The following CWC22 variants were observed in gnomAD, a reference collection of about 807,000 sequenced individuals.
CWC22 encodes pre-mRNA-splicing factor CWC22 homolog.
CWC22 carries 53 observed loss-of-function variants against 117.2 expected under a neutral mutation model. The observed-to-expected ratio is 0.45, with a 90% CI of 0.36 to 0.57. The LOEUF is 0.57. Among genes scored for constraint, CWC22 ranks in the 20% least tolerant of loss-of-function variants. The probability of loss-of-function intolerance (pLI) is 0.00; values close to 1 mark genes in which losing one functional copy is unlikely to be tolerated. For synonymous variants in CWC22, 360 were observed against 355.6 expected (o/e 1.01, Z -0.14); for missense variants, 980 against 1,068.8 (o/e 0.92, Z 1.16).
chr2:179,957,020 G>A (rs1686612654), intron 14 of CWC22, among the ~76,000 whole-genome samples: 2 of 151,938 alleles, frequency 1.3e-5, no homozygotes, highest in African/African-American at 4.8e-5. Context: ...GAAAATAAAT[G>A]TACTAAGATA....
At chr2:179,975,784 T>C (rs13028242) in intron 6 of CWC22, among the ~76,000 whole-genome samples, 22,176 of 152,044 alleles carry the variant, frequency 0.15, 1,996 homozygotes, top group Admixed American at 0.29. Flanking sequence ...ATGCATGACA[T>C]CCCATGTCCA....
chr2:179,991,107 A>C (rs114519459), intron 2 of CWC22, among the ~76,000 whole-genome samples: 244 of 152,358 alleles, frequency 1.6e-3, no homozygotes, highest in African/African-American at 5.5e-3. Context: ...TTCATGAAGC[A>C]AAACAAATAT....
At chr2:179,975,730 T>C (rs1217228918) in intron 6 of CWC22, among the ~76,000 whole-genome samples, 1 of 152,084 alleles carries the variant, frequency 6.6e-6, no homozygotes, top group East Asian at 1.9e-4. Flanking sequence ...ATGAAAGAGC[T>C]GTACACTAAA....
chr2:179,948,997 GT>G (rs1686380621), intron 19 of CWC22, among the ~76,000 whole-genome samples: 1 of 152,178 alleles, frequency 6.6e-6, no homozygotes, highest in Admixed American at 6.5e-5. Flanking sequence ...TCTCTGTACT[GT>G]TTTTGCAACT....
chr2:179,993,418 TC>T lies in CWC22; in HGVS notation c.-78del, dbSNP rs1412615675. 8.9e-6 allele frequency: 9 copies of T among 1,013,482 alleles called. No homozygotes were observed. The highest frequency in any genetic ancestry group is 1.4e-5 in the Non-Finnish European group (9 of 660,942). 62.8% of individuals were successfully genotyped at this position (1,013,482 alleles called of 1,614,324 possible). A position where few individuals can be genotyped will look rare whatever the true frequency, so the allele number is the denominator to read the frequency against. On this transcript the variant is annotated 5_prime_UTR_variant, in exon 2 of 20. The change creates a premature stop within an existing upstream ORF in the 5' untranslated region. Coordinates refer to ENST00000410053, the MANE Select transcript of CWC22 (RefSeq NM_020943.3). ...ATAACAAGTACCCAATGCTCTGAAT[TC>T]CTTGACAGTTTACTTTTTCTGTCTG...
intron 8 of CWC22, among the ~76,000 whole-genome samples, chr2:179,971,656 T>C (rs1687036879): frequency 6.6e-6 from 1 of 152,276 alleles, no homozygotes; most frequent in Middle Eastern, 3.4e-3. Context: ...ATCAAACTAT[T>C]ACTGGCCACG....
At position 179,963,335 on chromosome 2, in the gene CWC22, C is replaced by CTTTTTT. The variant is rs774947016; in HGVS notation, c.1397+1206_1397+1211dup. Among the ~76,000 whole-genome samples, 155 of 82,058 alleles carry CTTTTTT rather than the reference C, an allele frequency of 1.9e-3. 5 individuals carry two copies. Among genetic ancestry groups the CTTTTTT allele is most frequent in the African/African-American group, 4.2e-3 (79 of 18,982 alleles). The allele number at this position is 82,058 out of a possible 152,430, so 53.8% of individuals were successfully genotyped here. A position where few individuals can be genotyped will look rare whatever the true frequency, so the allele number is the denominator to read the frequency against. On this transcript the variant is annotated intron_variant, in intron 13 of 19. Coordinates refer to ENST00000410053, the MANE Select transcript of CWC22 (RefSeq NM_020943.3). ...AGTTTATATGAAAAAATATTTAATA[C>CTTTTTT]TTTTTTTTTTTTTTTTTTTTTTTTT...
At chr2:179,974,450 A>C (rs911721145) in intron 6 of CWC22, among the ~76,000 whole-genome samples, 1 of 152,236 alleles carries the variant, frequency 6.6e-6, no homozygotes, top group Admixed American at 6.5e-5. Context: ...GGAAAGGCAA[A>C]TTGGGCAAAC....
rs1687015601 is a variant in CWC22, at chr2:179,970,852, T to C, written c.945A>G (p.Ile315Met). 6.2e-7 allele frequency: 1 copy of C among 1,613,154 alleles called. No homozygotes were observed. The highest frequency in any genetic ancestry group is 8.5e-7 in the Non-Finnish European group (1 of 1,179,292). ...GCAGAATGTTTCGAAGGCGTTCAAA[T>C]ATAGCTAAAAGTTAACAGAAAGAAA... ...TQVSPRGINA[I>M]FERLRNILHE... Residue 315 changes from isoleucine to methionine, a missense_variant, in exon 10 of 20, where the codon ATA (isoleucine) becomes ATG (methionine). By Grantham distance (10) the Ile-to-Met change is conservative. Around this residue, in one of 3 missense-constraint regions of CWC22, gnomAD observed 559 missense variants for 602.3 expected, o/e 0.93. Transcript: ENST00000410053.
At chr2:179,992,124 AG>A (rs1445517144) in intron 2 of CWC22, among the ~76,000 whole-genome samples, 2 of 152,222 alleles carry the variant, frequency 1.3e-5, no homozygotes, top group African/African-American at 2.4e-5. Flanking sequence ...GTAAGAGGAT[AG>A]GAAGGGAGGA....
At chr2:179,990,921 T>A (rs1687549486) in intron 2 of CWC22, among the ~76,000 whole-genome samples, 1 of 152,124 alleles carries the variant, frequency 6.6e-6, no homozygotes, top group Admixed American at 6.6e-5. Flanking sequence ...GGACTTGAAT[T>A]TGGCTTTGGT....
rs1318703854 is a variant in CWC22, at chr2:180,002,205, C to A, written c.-114+4662G>T. ...TTCTCCCCATCTTAAACCAGCTCTT[C>A]TTCTAAGATATGACTTACAAAGCTT... On this transcript the variant is annotated intron_variant, in intron 1 of 19. Transcript: ENST00000410053. 2.0e-5 allele frequency among the ~76,000 whole-genome samples: 3 copies of A among 152,210 alleles called. No individual in the cohort carries two copies. The East Asian group carries it at 5.8e-4, about 29-fold the overall frequency.
chr2:179,958,687 G>A (rs892331027), intron 14 of CWC22, among the ~76,000 whole-genome samples: 19 of 151,994 alleles, frequency 1.3e-4, no homozygotes, highest in Admixed American at 1.3e-4. Context: ...CCAGAAGATG[G>A]ACCACATAAT....
chr2:179,948,090 G>A (rs574873411), intron 19 of CWC22, among the ~76,000 whole-genome samples: 1 of 152,172 alleles, frequency 6.6e-6, no homozygotes, highest in Non-Finnish European at 1.5e-5. Context: ...TGGCAAACCT[G>A]TGCTCCTGCT....
chr2:179,991,412 G>C (rs1687563664), intron 2 of CWC22, among the ~76,000 whole-genome samples: 1 of 152,172 alleles, frequency 6.6e-6, no homozygotes, highest in African/African-American at 2.4e-5. Flanking sequence ...CCAGCTAGTG[G>C]ACCCATTGTG....
At position 179,965,900 on chromosome 2, in the gene CWC22, T is replaced by A. The variant is rs573410341; in HGVS notation, c.1293A>T (p.Glu431Asp). The A allele has an allele frequency of 6.4e-7, 1 of 1,565,342 alleles. No individual in the cohort carries two copies. Among genetic ancestry groups the A allele is most frequent in the Admixed American group, 1.7e-5 (1 of 59,954 alleles). The stretch of plus-strand genomic sequence containing the variant: ...TACCTTCTTCATCTTCTTCTCCCTC[T>A]TCCTCTTCTTCTTCCTCGTCCTCTT... ...SSEEDEEEEE[E>D]EGEEDEEGQK... Residue 431 changes from glutamate to aspartate, a missense_variant, in exon 12 of 20, where the codon GAA becomes GAT. Glu to Asp is a conservative substitution (Grantham distance 45). Around this residue, in one of 3 missense-constraint regions of CWC22, gnomAD observed 559 missense variants for 602.3 expected, o/e 0.93. Transcript: ENST00000410053.
Position 179,973,731 on chromosome 2 carries a change from A to G in CWC22, c.653T>C (p.Leu218Ser), listed in dbSNP as rs1324157223. ...AAATTTTGAGTTGATAATTGCCACT[A>G]ATGCTGCATAAACATGGGTGAAGAT... The part of the protein sequence containing the change: ...SPIFTHVYAA[L>S]VAIINSKFPQ... Residue 218 changes from leucine (L) to serine (S), a missense_variant, in exon 7 of 20, where the codon TTA becomes TCA. By Grantham distance (145) the Leu-to-Ser change is moderately radical. Transcript: ENST00000410053. 1.2e-6 allele frequency: 2 copies of G among 1,610,000 alleles called. No individual in the cohort carries two copies. The highest frequency in any genetic ancestry group is 1.7e-6 in the Non-Finnish European group (2 of 1,176,708).
chr2:180,004,139 C>T (rs1365527284), intron 1 of CWC22, among the ~76,000 whole-genome samples: 1 of 152,130 alleles, frequency 6.6e-6, no homozygotes, highest in Non-Finnish European at 1.5e-5. Context: ...TACCAATAGC[C>T]ACTTCTTTCT....
At chr2:179,960,420 TAAC>T (rs1686721627) in intron 13 of CWC22, among the ~76,000 whole-genome samples, 1 of 151,962 alleles carries the variant, frequency 6.6e-6, no homozygotes, top group Non-Finnish European at 1.5e-5. Flanking sequence ...GTAGAATGGT[TAAC>T]AATGAGGACA....
Sources: gnomAD v4.1 joint callset for allele counts (sites outside exome capture counted in the v4.1 genomes callset) on GRCh38, gnomAD v4.1.1 for gene constraint, gnomAD v4.1.1 regional missense constraint, MANE v1.5 for transcripts, NCBI Gene and HGNC (gene_info 2026-07-23, HGNC 2026-07-21) for gene names.